The following ZNF385D variants were observed in gnomAD, a reference collection of about 807,000 sequenced individuals.
ZNF385D encodes zinc finger protein 659.
A neutral mutation model predicts 35.8 loss-of-function variants in ZNF385D; 15 were observed. The observed-to-expected ratio is 0.42, with a 90% CI of 0.28 to 0.64. The LOEUF is 0.64. ZNF385D is among the 30% of genes least tolerant of loss of function. The pLI, the probability that ZNF385D is intolerant of heterozygous loss-of-function variation, is 0.23. For synonymous variants in ZNF385D, 212 were observed against 186.8 expected (o/e 1.13, Z -1.10); for missense variants, 474 against 494.6 (o/e 0.96, Z 0.39).
In ZNF385D at chr3:21,437,217, A is replaced by T; in HGVS notation, c.440-14T>A. The T allele has an allele frequency of 6.2e-7, 1 of 1,601,016 alleles. No individual in the cohort carries two copies. The highest frequency in any genetic ancestry group is 8.5e-7 in the Non-Finnish European group (1 of 1,172,740). On this transcript the variant is annotated splice_polypyrimidine_tract_variant and intron_variant, in intron 4 of 7. Transcript: ENST00000281523. Reference sequence around the variant, plus strand: ...CTGCAGTACCGTCTGTATTCAAAATAACACAGAAAAAAGGGGGAAAAACAA... The same window carrying T: ...CTGCAGTACCGTCTGTATTCAAAATTACACAGAAAAAAGGGGGAAAAACAA...
intron 3 of ZNF385D, among the ~76,000 whole-genome samples, chr3:21,975,702 A>AATATATATATATATATATAT (rs56303677): frequency 3.2e-5 from 4 of 124,036 alleles, no homozygotes; most frequent in East Asian, 2.9e-4. Context: ...GTACCCACGA[A>AATATATATATATATATATAT]ATATATATAT....
At chr3:21,804,143 T>C (rs545735883) in intron 3 of ZNF385D, among the ~76,000 whole-genome samples, 3 of 152,328 alleles carry the variant, frequency 2.0e-5, no homozygotes. Flanking sequence ...GTGCATATGT[T>C]TTATCCACAA....
intron 3 of ZNF385D, among the ~76,000 whole-genome samples, chr3:21,771,373 G>C (rs371641016): frequency 2.0e-5 from 3 of 151,736 alleles, no homozygotes; most frequent in Non-Finnish European, 4.4e-5. Flanking sequence ...CTGGGGAAAG[G>C]GGTAATAGAA....
At chr3:21,877,240 G>C (rs1186119123) in intron 3 of ZNF385D, among the ~76,000 whole-genome samples, 1 of 151,976 alleles carries the variant, frequency 6.6e-6, no homozygotes, top group East Asian at 1.9e-4. Flanking sequence ...CCCTGCTTTG[G>C]CTCTGTATGA....
At chr3:21,466,293 C>A (rs192356269) in intron 4 of ZNF385D, among the ~76,000 whole-genome samples, 1 of 152,256 alleles carries the variant, frequency 6.6e-6, no homozygotes, top group East Asian at 1.9e-4. Flanking sequence ...ACTCATCTTT[C>A]ACTTTGCCTA....
chr3:21,643,929 A>G (rs1008473535), intron 2 of ZNF385D, among the ~76,000 whole-genome samples: 8 of 152,164 alleles, frequency 5.3e-5, no homozygotes, highest in African/African-American at 1.9e-4. Context: ...CTGGACAACC[A>G]AGAATAATGT....
At chr3:21,832,157 C>T (rs954062449) in intron 3 of ZNF385D, among the ~76,000 whole-genome samples, 3 of 152,076 alleles carry the variant, frequency 2.0e-5, no homozygotes, top group African/African-American at 7.2e-5. Context: ...ACAAATTTTA[C>T]AATACTCACT....
intron 3 of ZNF385D, among the ~76,000 whole-genome samples, chr3:21,831,007 T>C (rs1694956684): frequency 6.6e-6 from 1 of 152,168 alleles, no homozygotes; most frequent in African/African-American, 2.4e-5. Flanking sequence ...GAAAACCAAA[T>C]GAGTCAGGTT....
intron 2 of ZNF385D, among the ~76,000 whole-genome samples, chr3:22,253,258 G>C (rs949084291): frequency 6.6e-6 from 1 of 151,862 alleles, no homozygotes; most frequent in Non-Finnish European, 1.5e-5. Flanking sequence ...AGATTTTAAT[G>C]GTAGGATGGG....
intron 3 of ZNF385D, among the ~76,000 whole-genome samples, chr3:21,902,411 G>T (rs1699457351): frequency 6.6e-6 from 1 of 152,152 alleles, no homozygotes; most frequent in African/African-American, 2.4e-5. Flanking sequence ...GATCCAGAGG[G>T]ATGATGTGAC....
chr3:22,106,759 G>T (rs1702234163), intron 3 of ZNF385D, among the ~76,000 whole-genome samples: 1 of 152,140 alleles, frequency 6.6e-6, no homozygotes, highest in African/African-American at 2.4e-5. Flanking sequence ...GACGCAACTG[G>T]ATCTGTAACT....
At chr3:22,351,072 A>C (rs1695893766) in intron 2 of ZNF385D, among the ~76,000 whole-genome samples, 1 of 152,136 alleles carries the variant, frequency 6.6e-6, no homozygotes, top group Admixed American at 6.5e-5. Flanking sequence ...AGGACAATTC[A>C]CATTGGTTCT....
At chr3:21,996,100 G>T (rs1032326146) in intron 3 of ZNF385D, among the ~76,000 whole-genome samples, 19 of 152,168 alleles carry the variant, frequency 1.2e-4, no homozygotes, top group African/African-American at 4.6e-4. Flanking sequence ...GGTGGGCTGG[G>T]CTCTCAAAAT....
intron 2 of ZNF385D, among the ~76,000 whole-genome samples, chr3:21,606,788 G>C (rs1433791002): frequency 1.3e-5 from 2 of 152,216 alleles, no homozygotes; most frequent in East Asian, 1.9e-4. Context: ...ATCTCTCTCT[G>C]TGGAGGTAAT....
chr3:22,068,251 T>A (rs1192983377), intron 3 of ZNF385D, among the ~76,000 whole-genome samples: 2 of 152,198 alleles, frequency 1.3e-5, no homozygotes, highest in Non-Finnish European at 2.9e-5. Context: ...GTGATGCTAA[T>A]TCTATTCTTT....
chr3:22,211,077 G>T (rs1442094527), intron 2 of ZNF385D, among the ~76,000 whole-genome samples: 1 of 151,658 alleles, frequency 6.6e-6, no homozygotes. Context: ...TCTTTTTATG[G>T]TACTTGTGCT....
At chr3:21,797,797 G>T (rs2072219161) in intron 3 of ZNF385D, among the ~76,000 whole-genome samples, 1 of 152,122 alleles carries the variant, frequency 6.6e-6, no homozygotes, top group Non-Finnish European at 1.5e-5. Context: ...AATGGAAAAG[G>T]AAAAACTATG....
At chr3:21,730,277 A>G (rs17009383) in intron 1 of ZNF385D, among the ~76,000 whole-genome samples, 24,954 of 152,154 alleles carry the variant, frequency 0.16, 2,308 homozygotes, top group South Asian at 0.25. Flanking sequence ...AGCCTTAACC[A>G]CAAACATCTG....
chr3:21,483,209 G>A (rs1704765682), intron 4 of ZNF385D, among the ~76,000 whole-genome samples: 1 of 152,084 alleles, frequency 6.6e-6, no homozygotes, highest in Admixed American at 6.6e-5. Flanking sequence ...AATGTAATTT[G>A]GAGAATGTCA....
Sources: gnomAD v4.1 joint callset for allele counts (sites outside exome capture counted in the v4.1 genomes callset) on GRCh38, gnomAD v4.1.1 for gene constraint, MANE v1.5 for transcripts, NCBI Gene and HGNC (gene_info 2026-07-23, HGNC 2026-07-21) for gene names.